PXDNL: variants seen among roughly 807,000 people sequenced by gnomAD.
PXDNL encodes the protein probable oxidoreductase PXDNL.
In PXDNL, 145 loss-of-function variants were observed where a neutral mutation model predicts 150.8. The observed-to-expected ratio is 0.96, with a 90% CI of 0.84 to 1.10. The LOEUF (loss-of-function observed/expected upper bound fraction) is 1.10, where lower values mean the gene tolerates loss of function less well. Ranked by LOEUF, PXDNL falls within the 50% of genes least tolerant of loss-of-function variation. The pLI, the probability that PXDNL is intolerant of heterozygous loss-of-function variation, is 0.00. For synonymous variants in PXDNL, 757 were observed against 725.7 expected, an observed-to-expected ratio of 1.04 and a Z score of -0.69; for missense variants, 2,087 against 1,873.9, an observed-to-expected ratio of 1.11 and a Z score of -2.10.
chr8:51,737,263 AC>A (rs1271771768), intron 1 of PXDNL, among the ~76,000 whole-genome samples: 1 of 152,226 alleles, frequency 6.6e-6, no homozygotes, highest in Non-Finnish European at 1.5e-5. Flanking sequence ...TCTACTCTAA[AC>A]ACTTACAGTA....
intron 8 of PXDNL, among the ~76,000 whole-genome samples, chr8:51,470,498 C>T (rs1250038001): frequency 6.6e-6 from 1 of 152,054 alleles, no homozygotes; most frequent in Non-Finnish European, 1.5e-5. Flanking sequence ...GGAAGGGACA[C>T]ATGAAAACCA....
chr8:51,577,692 C>T (rs1400068570), intron 3 of PXDNL, among the ~76,000 whole-genome samples: 1 of 149,598 alleles, frequency 6.7e-6, no homozygotes, highest in African/African-American at 2.4e-5. Flanking sequence ...CATTCATGAT[C>T]AAAGCTCCAG....
chr8:51,644,771 T>A (rs560015327), intron 2 of PXDNL, among the ~76,000 whole-genome samples: 61 of 151,932 alleles, frequency 4.0e-4, no homozygotes, highest in African/African-American at 1.4e-3. Context: ...TTTATATTTT[T>A]AAAAAAATAA....
chr8:51,754,424 A>G (rs1368581536), intron 1 of PXDNL, among the ~76,000 whole-genome samples: 2 of 152,202 alleles, frequency 1.3e-5, no homozygotes, highest in Non-Finnish European at 2.9e-5. Context: ...AGGGCAGGGG[A>G]AAAGCCATGG....
At chr8:51,574,962 G>A (rs572658795) in intron 3 of PXDNL, among the ~76,000 whole-genome samples, 30 of 152,026 alleles carry the variant, frequency 2.0e-4, no homozygotes, top group African/African-American at 4.8e-4. Flanking sequence ...ATGAGGCGTC[G>A]AGAAGAAAGA....
At chr8:51,609,372 A>G (rs1813947004) in intron 2 of PXDNL, among the ~76,000 whole-genome samples, 1 of 152,190 alleles carries the variant, frequency 6.6e-6, no homozygotes, top group African/African-American at 2.4e-5. Context: ...ACCTGGAAAT[A>G]TGGGATTGTC....
chr8:51,410,157 G>A lies in PXDNL; in HGVS notation c.2063-596C>T, dbSNP rs76801674. Among the ~76,000 whole-genome samples, 3 of 152,292 alleles carry A rather than the reference G, an allele frequency of 2.0e-5. No individual in the cohort carries two copies. In the East Asian group the frequency reaches 5.8e-4, roughly 29 times the overall value. On this transcript the variant is annotated intron_variant, in intron 16 of 22. Coordinates refer to ENST00000356297, the MANE Select transcript of PXDNL (RefSeq NM_144651.5). ...ATTAACCCACATGATACTTGACAAG[G>A]AGGGATTAAGCAACAACTTTCTGAA...
intron 4 of PXDNL, among the ~76,000 whole-genome samples, chr8:51,543,980 A>G (rs1812291148): frequency 6.6e-6 from 1 of 152,254 alleles, no homozygotes; most frequent in Non-Finnish European, 1.5e-5. Flanking sequence ...ATTGATTAAC[A>G]TCAGCATTAT....
chr8:51,682,311 T>G (rs1204075627), intron 1 of PXDNL, among the ~76,000 whole-genome samples: 1 of 152,236 alleles, frequency 6.6e-6, no homozygotes, highest in East Asian at 1.9e-4. Context: ...TGTGGGCTAC[T>G]GTCTACCATT....
intron 4 of PXDNL, among the ~76,000 whole-genome samples, chr8:51,555,995 G>C (rs1812592237): frequency 6.6e-6 from 1 of 152,116 alleles, no homozygotes; most frequent in South Asian, 2.1e-4. Context: ...TACAGGGCTA[G>C]GCATGGAGGC....
intron 1 of PXDNL, among the ~76,000 whole-genome samples, chr8:51,785,508 C>A (rs763896343): frequency 9.2e-5 from 14 of 152,244 alleles, no homozygotes; most frequent in Admixed American, 7.2e-4. Context: ...ATTTTCCCAA[C>A]AGCATGTGCT....
At chr8:51,652,439 T>TCA (rs34305040) in intron 2 of PXDNL, among the ~76,000 whole-genome samples, 13,349 of 146,802 alleles carry the variant, frequency 0.091, 1,182 homozygotes, top group African/African-American at 0.25. Flanking sequence ...TCTCTCTCTC[T>TCA]CACACACACA....
intron 2 of PXDNL, among the ~76,000 whole-genome samples, chr8:51,607,347 C>T (rs1813858048): frequency 6.6e-6 from 1 of 152,198 alleles, no homozygotes; most frequent in Non-Finnish European, 1.5e-5. Context: ...GATCTCATTT[C>T]TTTCTTCCAG....
chr8:51,626,850 G>T (rs1027294143), intron 2 of PXDNL, among the ~76,000 whole-genome samples: 8 of 152,154 alleles, frequency 5.3e-5, no homozygotes, highest in African/African-American at 1.9e-4. Flanking sequence ...TGATAAAAAT[G>T]TAAGTGGTGA....
At chr8:51,551,656 T>C (rs180788050) in intron 4 of PXDNL, among the ~76,000 whole-genome samples, 72 of 152,062 alleles carry the variant, frequency 4.7e-4, no homozygotes, top group African/African-American at 1.7e-3. Flanking sequence ...CCTTTTCTCA[T>C]CTAATACAAA....
chr8:51,642,406 T>C (rs1043948234), intron 2 of PXDNL, among the ~76,000 whole-genome samples: 1 of 152,074 alleles, frequency 6.6e-6, no homozygotes, highest in Non-Finnish European at 1.5e-5. Flanking sequence ...TCAATAAACA[T>C]AATCCAGCAT....
At chr8:51,631,433 T>G (rs971160571) in intron 2 of PXDNL, among the ~76,000 whole-genome samples, 1 of 152,042 alleles carries the variant, frequency 6.6e-6, no homozygotes, top group African/African-American at 2.4e-5. Flanking sequence ...CAACCTAAAA[T>G]AAAAGCTTTT....
intron 1 of PXDNL, among the ~76,000 whole-genome samples, chr8:51,691,816 C>G (rs888440178): frequency 6.6e-6 from 1 of 152,158 alleles, no homozygotes; most frequent in Admixed American, 6.5e-5. Flanking sequence ...TCCTCAGCCC[C>G]GGCCAGCAGA....
intron 2 of PXDNL, among the ~76,000 whole-genome samples, chr8:51,593,796 G>C (rs1686455759): frequency 6.6e-6 from 1 of 152,166 alleles, no homozygotes; most frequent in Non-Finnish European, 1.5e-5. Flanking sequence ...TGGTGTCCTG[G>C]CCATTGGGAG....
Sources: allele counts gnomAD v4.1 joint callset (sites outside exome capture counted in the v4.1 genomes callset), GRCh38; gene constraint gnomAD v4.1.1; transcripts MANE v1.5; gene names NCBI Gene and HGNC (gene_info 2026-07-23, HGNC 2026-07-21).